Variants in OR9Q1 observed in about 807,000 individuals in gnomAD.
OR9Q1 encodes olfactory receptor family 9 subfamily Q member 1.
For missense variants in OR9Q1, 374 were observed against 378.8 expected (o/e 0.99, Z 0.11); for synonymous variants, 153 against 148.6 (o/e 1.03, Z -0.22).
At chr11:58,170,722 G>A (rs1854546438) in intron 2 of OR9Q1, among the ~76,000 whole-genome samples, 1 of 151,978 alleles carries the variant, frequency 6.6e-6, no homozygotes, top group Admixed American at 6.6e-5. Context: ...CTTTTGCTTG[G>A]TTCTCATTCT....
chr11:58,062,693 G>T (rs1343395600), intron 2 of OR9Q1, among the ~76,000 whole-genome samples: 1 of 152,148 alleles, frequency 6.6e-6, no homozygotes, highest in African/African-American at 2.4e-5. Flanking sequence ...CTAATTTCAT[G>T]CACTTCAGCT....
At position 58,036,010 on chromosome 11, in the gene OR9Q1, T is replaced by C. The variant is rs564271557; in HGVS notation, c.-93+11906T>C. Among the ~76,000 whole-genome samples, 4 of 152,186 alleles carry C rather than the reference T, an allele frequency of 2.6e-5. No individual in the cohort carries two copies. In the South Asian group the frequency reaches 8.3e-4, roughly 32 times the overall value. ...CTGTGTTAAGTCTATTAGTGCCATTTTTTCAATAGCATGTGCTCACTTTGC... is the reference window on the plus strand; with the variant it reads ...CTGTGTTAAGTCTATTAGTGCCATTCTTTCAATAGCATGTGCTCACTTTGC... On this transcript the variant is annotated intron_variant, in intron 1 of 2. Coordinates refer to ENST00000335397, the MANE Select transcript of OR9Q1 (RefSeq NM_001005212.4).
chr11:58,074,682 T>C (rs1245381847), intron 2 of OR9Q1, among the ~76,000 whole-genome samples: 1 of 152,208 alleles, frequency 6.6e-6, no homozygotes, highest in Non-Finnish European at 1.5e-5. Context: ...TCTTTGCCCA[T>C]GCCTATGTCC....
chr11:58,039,181 G>T (rs1284257844), intron 1 of OR9Q1, among the ~76,000 whole-genome samples: 1 of 152,194 alleles, frequency 6.6e-6, no homozygotes, highest in African/African-American at 2.4e-5. Context: ...GTAGAGATGG[G>T]CTTTCACCAT....
At chr11:58,106,774 C>T (rs960953007) in intron 2 of OR9Q1, among the ~76,000 whole-genome samples, 8 of 152,074 alleles carry the variant, frequency 5.3e-5, no homozygotes, top group South Asian at 2.1e-4. Flanking sequence ...TGTGTATTCT[C>T]GGCACCTTTG....
chr11:58,119,161 C>G (rs1853996585), intron 2 of OR9Q1: 7 of 1,613,832 alleles, frequency 4.3e-6, no homozygotes, highest in Non-Finnish European at 5.9e-6. Context: ...AGCACAGTGG[C>G]CGTAGGAGAT....
intron 2 of OR9Q1, among the ~76,000 whole-genome samples, chr11:58,155,117 C>T (rs1854393870): frequency 1.3e-5 from 2 of 152,114 alleles, no homozygotes; most frequent in Admixed American, 6.5e-5. Flanking sequence ...CTGAAATTTG[C>T]AGAGCAGGTG....
chr11:58,085,483 T>A (rs1853625725), intron 2 of OR9Q1, among the ~76,000 whole-genome samples: 3 of 151,844 alleles, frequency 2.0e-5, no homozygotes, highest in Admixed American at 2.0e-4. Context: ...AGCCACTCTC[T>A]TGTACAGCAG....
chr11:58,119,120 C>T (rs765677417), intron 2 of OR9Q1: 13 of 1,613,780 alleles, frequency 8.1e-6, no homozygotes, highest in South Asian at 6.6e-5. Context: ...CACTCTGTGC[C>T]TGCACAGATG....
At chr11:58,108,283 A>G (rs766196017) in intron 2 of OR9Q1, among the ~76,000 whole-genome samples, 1 of 152,168 alleles carries the variant, frequency 6.6e-6, no homozygotes, top group Non-Finnish European at 1.5e-5. Context: ...CAATTAGTAC[A>G]ATTTATAGCT....
intron 1 of OR9Q1, among the ~76,000 whole-genome samples, chr11:58,034,656 T>C (rs977046849): frequency 6.6e-6 from 1 of 152,038 alleles, no homozygotes. Flanking sequence ...ATTTACATGG[T>C]CAATACTGGG....
At chr11:58,155,348 T>C (rs966752654) in intron 2 of OR9Q1, among the ~76,000 whole-genome samples, 5 of 151,838 alleles carry the variant, frequency 3.3e-5, no homozygotes, top group African/African-American at 4.9e-5. Context: ...CGGCAATACT[T>C]AGGCTGGTAT....
chr11:58,038,885 A>G (rs1853132872), intron 1 of OR9Q1, among the ~76,000 whole-genome samples: 1 of 152,156 alleles, frequency 6.6e-6, no homozygotes. Context: ...CCAAGTCCTT[A>G]GCAACTGATT....
chr11:58,104,036 T>C (rs941915704), intron 2 of OR9Q1, among the ~76,000 whole-genome samples: 5 of 152,202 alleles, frequency 3.3e-5, no homozygotes, highest in Non-Finnish European at 7.3e-5. Flanking sequence ...TTGCACAAAA[T>C]ATTCTTTTCT....
chr11:58,091,367 G>T (rs1372171955), intron 2 of OR9Q1, among the ~76,000 whole-genome samples: 1 of 152,136 alleles, frequency 6.6e-6, no homozygotes, highest in African/African-American at 2.4e-5. Flanking sequence ...TGGTCTCAAA[G>T]AACTTATTTG....
At chr11:58,153,049 G>C (rs1333438443) in intron 2 of OR9Q1, among the ~76,000 whole-genome samples, 2 of 152,190 alleles carry the variant, frequency 1.3e-5, no homozygotes, top group Non-Finnish European at 2.9e-5. Flanking sequence ...TCTTCAATTA[G>C]TACATGATAA....
intron 2 of OR9Q1, among the ~76,000 whole-genome samples, chr11:58,124,983 T>C (rs1237237551): frequency 6.6e-6 from 1 of 152,094 alleles, no homozygotes; most frequent in Non-Finnish European, 1.5e-5. Context: ...TTGTCCAAGG[T>C]CACATGACTA....
chr11:58,118,627 A>G lies in OR9Q1; in HGVS notation c.-14-60804A>G, dbSNP rs758213881. ...GACCACTGTATAGAAGACAGACACG[A>G]CTTTGTCTTCCTCCAGAGATTTGCC... On this transcript the variant is annotated intron_variant, in intron 2 of 2. Coordinates refer to ENST00000335397, the MANE Select transcript of OR9Q1 (RefSeq NM_001005212.4). 5 of 1,613,734 alleles carry G rather than the reference A, an allele frequency of 3.1e-6. No individual in the cohort carries two copies. In the East Asian group the frequency reaches 8.9e-5, roughly 29 times the overall value.
At chr11:58,090,978 C>T (rs1459449005) in intron 2 of OR9Q1, among the ~76,000 whole-genome samples, 1 of 152,078 alleles carries the variant, frequency 6.6e-6, no homozygotes, top group Non-Finnish European at 1.5e-5. Flanking sequence ...TCTGTGGGAT[C>T]GGTGGTGATA....
Sources: gnomAD v4.1 joint callset for allele counts (sites outside exome capture counted in the v4.1 genomes callset) on GRCh38, gnomAD v4.1.1 for gene constraint, MANE v1.5 for transcripts, NCBI Gene and HGNC (gene_info 2026-07-23, HGNC 2026-07-21) for gene names.